The following TMEM132B variants were observed in gnomAD, a reference collection of about 807,000 sequenced individuals.
The protein encoded by TMEM132B is transmembrane protein 132B.
Under a neutral mutation model 90.8 loss-of-function variants are expected in TMEM132B, and 18 were observed. The ratio of observed to expected loss-of-function variants is 0.20; its 90% CI spans 0.14 to 0.29. TMEM132B has a LOEUF of 0.29. Ranked by LOEUF, TMEM132B falls within the 10% of genes least tolerant of loss-of-function variation. The pLI, the probability that TMEM132B is intolerant of heterozygous loss-of-function variation, is 1.00. For missense variants in TMEM132B, 1,096 were observed against 1,326.8 expected, an observed-to-expected ratio of 0.83 and a Z score of 2.70; for synonymous variants, 504 against 523.3, an observed-to-expected ratio of 0.96 and a Z score of 0.50.
intron 3 of TMEM132B, among the ~76,000 whole-genome samples, chr12:125,426,376 T>C (rs1166653833): frequency 1.3e-5 from 2 of 152,200 alleles, no homozygotes; most frequent in Non-Finnish European, 2.9e-5. Flanking sequence ...ATATACATTT[T>C]GAGTGGTGAT....
At chr12:125,338,791 A>T (rs961793594) in intron 1 of TMEM132B, among the ~76,000 whole-genome samples, 1 of 151,990 alleles carries the variant, frequency 6.6e-6, no homozygotes, top group African/African-American at 2.4e-5. Context: ...TCCTCCCTCC[A>T]TTTCTCTTGA....
At chr12:125,241,881 G>A (rs371009829) in intron 1 of TMEM132B, among the ~76,000 whole-genome samples, 4 of 152,126 alleles carry the variant, frequency 2.6e-5, no homozygotes, top group East Asian at 3.9e-4. Flanking sequence ...TGTATCTGTG[G>A]TCCACCTGTT....
intron 3 of TMEM132B, among the ~76,000 whole-genome samples, chr12:125,515,763 C>G (rs1327315033): frequency 3.3e-5 from 5 of 151,968 alleles, no homozygotes; most frequent in African/African-American, 7.3e-5. Flanking sequence ...TTCACACATT[C>G]TCACACACAT....
At chr12:125,344,111 CAG>C (rs139181497) in intron 1 of TMEM132B, among the ~76,000 whole-genome samples, 2,817 of 152,224 alleles carry the variant, frequency 0.019, 92 homozygotes, top group African/African-American at 0.064. Context: ...TTTTAGTAGA[CAG>C]AATGGATAGT....
At chr12:125,255,462 G>A (rs779334287) in intron 1 of TMEM132B, among the ~76,000 whole-genome samples, 4 of 152,140 alleles carry the variant, frequency 2.6e-5, no homozygotes, top group Non-Finnish European at 5.9e-5. Flanking sequence ...TCAAAAATCC[G>A]CAGACTTTCC....
chr12:125,357,869 T>C (rs1877831694), intron 2 of TMEM132B, among the ~76,000 whole-genome samples: 1 of 152,200 alleles, frequency 6.6e-6, no homozygotes. Flanking sequence ...TTGACTGTCT[T>C]ATCCATGAGA....
intron 4 of TMEM132B, among the ~76,000 whole-genome samples, chr12:125,541,891 G>A (rs1345701869): frequency 6.6e-6 from 1 of 151,864 alleles, no homozygotes; most frequent in East Asian, 1.9e-4. Flanking sequence ...CGGGCGTGGT[G>A]GCGGGCACCT....
rs1277955423 is a variant in TMEM132B at position 125,517,326 on chromosome 12, GATTTTTTTT to G, written c.1107-2112_1107-2104del. ...CAGGCGCCCGCCACCATGCCCTGCT[GATTTTTTTT>G]TTTTTTTTTTTTTTTTTTTTTTTTT... is the stretch of plus-strand genomic sequence containing the variant. On this transcript the variant is annotated intron_variant, in intron 3 of 8. Transcript: ENST00000682704. 1.3e-3 allele frequency among the ~76,000 whole-genome samples: 115 copies of G among 88,010 alleles called. 9 individuals are homozygous for G. Among genetic ancestry groups the G allele is most frequent in the Non-Finnish European group, 1.8e-3 (76 of 41,922 alleles). 57.7% of individuals were successfully genotyped at this position (88,010 alleles called of 152,430 possible). A position where few individuals can be genotyped will look rare whatever the true frequency, so the allele number is the denominator to read the frequency against.
intron 1 of TMEM132B, among the ~76,000 whole-genome samples, chr12:125,288,462 CAA>C (rs11423298): frequency 4.9e-5 from 5 of 102,942 alleles, no homozygotes; most frequent in Admixed American, 2.2e-4. Context: ...GACTCCATCT[CAA>C]AAAAAAAAAA....
intron 5 of TMEM132B, among the ~76,000 whole-genome samples, chr12:125,638,230 C>T (rs1337853902): frequency 1.3e-5 from 2 of 152,160 alleles, no homozygotes. Context: ...TGGCCTCAGT[C>T]TACTCTCCAT....
intron 3 of TMEM132B, among the ~76,000 whole-genome samples, chr12:125,428,868 G>T (rs1407791088): frequency 6.6e-6 from 1 of 152,204 alleles, no homozygotes; most frequent in Non-Finnish European, 1.5e-5. Flanking sequence ...GCAGTTTGCA[G>T]CCTGTAGCTG....
rs145110063 is a variant in TMEM132B, at chr12:125,252,421, C to G, written c.67+65555C>G. Among the ~76,000 whole-genome samples the G allele has an allele frequency of 4.3e-4, 65 of 152,196 alleles. No individual in the cohort carries two copies. In the East Asian group the frequency reaches 7.2e-3, roughly 17 times the overall value. The stretch of plus-strand genomic sequence containing the variant: ...TCCCACGGAGGCCTGCACTCGCTGT[C>G]TCTGGTTCTCATTTCCAAGGGTCCA... On this transcript the variant is annotated intron_variant, in intron 1 of 8. Transcript: ENST00000682704.
chr12:125,248,286 C>T (rs537954252), intron 1 of TMEM132B, among the ~76,000 whole-genome samples: 91 of 152,218 alleles, frequency 6.0e-4, no homozygotes, highest in African/African-American at 2.1e-3. Flanking sequence ...TCAGAAACAC[C>T]GGAAAAAGCA....
At chr12:125,224,380 G>T (rs184136400) in intron 1 of TMEM132B, among the ~76,000 whole-genome samples, 1 of 152,134 alleles carries the variant, frequency 6.6e-6, no homozygotes, top group African/African-American at 2.4e-5. Context: ...TTTTTTAATC[G>T]TGAAAATTCA....
At chr12:125,586,774 T>C (rs542145003) in intron 5 of TMEM132B, 19 of 152,262 alleles carry the variant, frequency 1.2e-4, no homozygotes, top group African/African-American at 4.1e-4. Flanking sequence ...ATAAGAGTAG[T>C]GATGCTGGCA....
At chr12:125,288,651 G>T (rs1261596850) in intron 1 of TMEM132B, among the ~76,000 whole-genome samples, 1 of 151,922 alleles carries the variant, frequency 6.6e-6, no homozygotes, top group Non-Finnish European at 1.5e-5. Flanking sequence ...GTATTTTTAG[G>T]TTTTTTTCTT....
chr12:125,265,058 A>T (rs1193185086), intron 1 of TMEM132B, among the ~76,000 whole-genome samples: 1 of 152,230 alleles, frequency 6.6e-6, no homozygotes, highest in Non-Finnish European at 1.5e-5. Flanking sequence ...ACAGCTTGTT[A>T]CTGTACTGAA....
At chr12:125,399,483 ATGTGTGTGTG>A (rs1555246075) in intron 2 of TMEM132B, among the ~76,000 whole-genome samples, 46 of 69,930 alleles carry the variant, frequency 6.6e-4, no homozygotes, top group African/African-American at 1.9e-3. Flanking sequence ...GTGTGTGTGT[ATGTGTGTGTG>A]TGTGTGTGTG....
At chr12:125,410,231 TGGA>T (rs1254583212) in intron 2 of TMEM132B, among the ~76,000 whole-genome samples, 1 of 256 alleles carries the variant, frequency 3.9e-3, no homozygotes, top group Non-Finnish European at 7.4e-3. Context: ...TGGAGTGGAG[TGGA>T]GGAGTGGAGT....
Sources: gnomAD v4.1 joint callset for allele counts (sites outside exome capture counted in the v4.1 genomes callset) on GRCh38, gnomAD v4.1.1 for gene constraint, MANE v1.5 for transcripts, NCBI Gene and HGNC (gene_info 2026-07-23, HGNC 2026-07-21) for gene names.